Variants in CTNND2 observed in about 807,000 individuals in gnomAD.
CTNND2 encodes the protein catenin delta 2.
Under a neutral mutation model 144.4 loss-of-function variants are expected in CTNND2, and 22 were observed. The ratio of observed to expected loss-of-function variants is 0.15; its 90% CI spans 0.11 to 0.22. The LOEUF (loss-of-function observed/expected upper bound fraction) is 0.22. CTNND2 is among the 10% of genes least tolerant of loss of function. The probability of loss-of-function intolerance (pLI) is 1.00; values close to 1 mark genes in which losing one functional copy is unlikely to be tolerated. For synonymous variants in CTNND2, 751 were observed against 695.6 expected, an observed-to-expected ratio of 1.08 and a Z score of -1.25; for missense variants, 1,353 against 1,618.8, an observed-to-expected ratio of 0.84 and a Z score of 2.82.
chr5:10,997,184 C>T (rs947708609), intron 18 of CTNND2, among the ~76,000 whole-genome samples: 3 of 152,104 alleles, frequency 2.0e-5, no homozygotes, highest in Non-Finnish European at 4.4e-5. Context: ...TCTCTGAAAT[C>T]CTCCGGAGGG....
chr5:11,101,576 AAGTGGCTTAATCTG>A (rs1751878613), intron 14 of CTNND2, among the ~76,000 whole-genome samples: 1 of 152,244 alleles, frequency 6.6e-6, no homozygotes, highest in African/African-American at 2.4e-5. Context: ...GAAGGCAAGC[AAGTGGCTTAATCTG>A]TAACATAATT....
At chr5:11,257,552 T>G (rs1744393050) in intron 9 of CTNND2, among the ~76,000 whole-genome samples, 1 of 152,120 alleles carries the variant, frequency 6.6e-6, no homozygotes, top group Non-Finnish European at 1.5e-5. Flanking sequence ...TGCCAGACGC[T>G]TATAAAACCA....
In CTNND2 at chr5:11,236,661, C is replaced by T. The variant is rs556057339; in HGVS notation, c.1761+30G>A. ...ATCTAAGTGCTTATGAATCTGACACCAATCATTTCAGAATCCAAGGAGCAC... is the reference window on the plus strand; with the variant it reads ...ATCTAAGTGCTTATGAATCTGACACTAATCATTTCAGAATCCAAGGAGCAC... On this transcript the variant is annotated intron_variant, in intron 10 of 21. Coordinates refer to ENST00000304623, the MANE Select transcript of CTNND2 (RefSeq NM_001332.4). 2.7e-5 allele frequency: 43 copies of T among 1,611,154 alleles called. No individual in the cohort carries two copies. In the South Asian group the frequency reaches 4.1e-4, roughly 15 times the overall value.
At chr5:11,539,468 T>C (rs1015635613) in intron 3 of CTNND2, among the ~76,000 whole-genome samples, 3 of 152,336 alleles carry the variant, frequency 2.0e-5, no homozygotes, top group Admixed American at 1.3e-4. Context: ...TTATCACCTA[T>C]AATAACTTGC....
chr5:11,337,516 T>A (rs2149725465), intron 9 of CTNND2, among the ~76,000 whole-genome samples: 1 of 152,316 alleles, frequency 6.6e-6, no homozygotes. Context: ...GACCCCATTC[T>A]CCTTCCAGTA....
At chr5:11,082,591 G>A in intron 16 of CTNND2, 105 bp downstream of exon 16, 1 of 1,310,686 alleles carries the variant, frequency 7.6e-7, no homozygotes, top group Non-Finnish European at 1.0e-6. Flanking sequence ...TAAATGCACG[G>A]CTTCTGTGTA....
chr5:11,471,598 C>G (rs748245127), intron 3 of CTNND2, among the ~76,000 whole-genome samples: 5 of 152,112 alleles, frequency 3.3e-5, no homozygotes, highest in African/African-American at 4.8e-5. Flanking sequence ...GCACTTGATA[C>G]TAATTAGTGT....
chr5:11,071,258 C>T (rs1352661961), intron 16 of CTNND2, among the ~76,000 whole-genome samples: 2 of 152,152 alleles, frequency 1.3e-5, no homozygotes, highest in Non-Finnish European at 1.5e-5. Context: ...AAAATCAGGG[C>T]TGGGCACAGT....
At chr5:11,394,718 C>T (rs1266894189) in intron 6 of CTNND2, among the ~76,000 whole-genome samples, 2 of 152,216 alleles carry the variant, frequency 1.3e-5, no homozygotes, top group Middle Eastern at 3.2e-3. Flanking sequence ...GGGTTACACA[C>T]ATATCATCAG....
intron 3 of CTNND2, among the ~76,000 whole-genome samples, chr5:11,514,054 G>A (rs1001241691): frequency 6.7e-6 from 1 of 149,416 alleles, no homozygotes; most frequent in Admixed American, 6.8e-5. Context: ...ATGGTGGCAT[G>A]TGGCTGTGGT....
At chr5:11,166,425 A>G (rs933462874) in intron 11 of CTNND2, among the ~76,000 whole-genome samples, 3 of 151,572 alleles carry the variant, frequency 2.0e-5, no homozygotes, top group Non-Finnish European at 4.4e-5. Flanking sequence ...AATTTTTTGT[A>G]TTTTTAGTAG....
intron 21 of CTNND2, 116 bp downstream of exon 21, chr5:10,981,657 T>C (rs1579937178): frequency 3.1e-6 from 3 of 969,494 alleles, no homozygotes; most frequent in East Asian, 4.8e-5. Flanking sequence ...TCAGGGGACG[T>C]TGCCTTCTTT....
intron 1 of CTNND2, among the ~76,000 whole-genome samples, chr5:11,793,225 C>G (rs1004171985): frequency 6.6e-6 from 1 of 152,174 alleles, no homozygotes; most frequent in African/African-American, 2.4e-5. Context: ...CGAGGCCCCA[C>G]GTCTGATCTG....
intron 1 of CTNND2, among the ~76,000 whole-genome samples, chr5:11,864,599 A>C (rs1795653767): frequency 6.6e-6 from 1 of 152,084 alleles, no homozygotes; most frequent in Admixed American, 6.6e-5. Context: ...GTCTGGTGTA[A>C]GGCAGGCTTT....
chr5:11,010,015 T>C (rs1740906104), intron 18 of CTNND2, among the ~76,000 whole-genome samples: 1 of 152,238 alleles, frequency 6.6e-6, no homozygotes, highest in Non-Finnish European at 1.5e-5. Context: ...AGTTTAACCT[T>C]AGCCTTTTTG....
At chr5:11,786,907 T>C (rs905977428) in intron 1 of CTNND2, among the ~76,000 whole-genome samples, 2 of 152,192 alleles carry the variant, frequency 1.3e-5, no homozygotes, top group Admixed American at 1.3e-4. Flanking sequence ...GGGACAGAAG[T>C]AAGCATATGA....
chr5:11,705,832 T>C (rs1785665270), intron 2 of CTNND2, among the ~76,000 whole-genome samples: 1 of 152,188 alleles, frequency 6.6e-6, no homozygotes, highest in Non-Finnish European at 1.5e-5. Flanking sequence ...TTGCTCCTAA[T>C]CAAAAGAATA....
intron 1 of CTNND2, among the ~76,000 whole-genome samples, chr5:11,755,635 A>ATAC (rs1788888190): frequency 2.6e-5 from 1 of 38,300 alleles, no homozygotes; most frequent in Non-Finnish European, 5.5e-5. Flanking sequence ...GTTTTTGTTC[A>ATAC]TTCTTCTTTT....
intron 9 of CTNND2, among the ~76,000 whole-genome samples, chr5:11,321,936 T>TG (rs2150069728): frequency 6.6e-6 from 1 of 152,254 alleles, no homozygotes; most frequent in East Asian, 1.9e-4. Flanking sequence ...TGAATACATC[T>TG]GGTTATGTTA....
Sources: gnomAD v4.1 joint callset for allele counts (sites outside exome capture counted in the v4.1 genomes callset) on GRCh38, gnomAD v4.1.1 for gene constraint, MANE v1.5 for transcripts, NCBI Gene and HGNC (gene_info 2026-07-23, HGNC 2026-07-21) for gene names.